Variants in PLBD1 observed in about 807,000 individuals in gnomAD.
The protein encoded by PLBD1 is lysosomal leucine aminopeptidase.
A neutral mutation model predicts 63.0 loss-of-function variants in PLBD1; 60 were observed. The observed-to-expected ratio is 0.95, with a 90% CI of 0.77 to 1.18. The LOEUF (loss-of-function observed/expected upper bound fraction) is 1.18, where lower values mean the gene tolerates loss of function less well. Among genes scored for constraint, PLBD1 ranks in the 50% most tolerant of loss-of-function variants. The probability of loss-of-function intolerance (pLI) is 0.00; values close to 1 mark genes in which losing one functional copy is unlikely to be tolerated. For synonymous variants in PLBD1, 262 were observed against 248.0 expected (o/e 1.06, Z -0.53); for missense variants, 598 against 677.9 (o/e 0.88, Z 1.31).
chr12:14,550,618 G>A (rs567182125), intron 2 of PLBD1, among the ~76,000 whole-genome samples: 8 of 152,062 alleles, frequency 5.3e-5, no homozygotes, highest in South Asian at 2.1e-4. Flanking sequence ...GGTGGCTCAC[G>A]CCTGTAACCC....
intron 9 of PLBD1, among the ~76,000 whole-genome samples, chr12:14,506,674 C>T (rs1238590887): frequency 6.6e-6 from 1 of 151,530 alleles, no homozygotes; most frequent in African/African-American, 2.4e-5. Flanking sequence ...TTTTAAAGGA[C>T]CCTCTATGAG....
chr12:14,537,902 C>A (rs1945532568), intron 4 of PLBD1, among the ~76,000 whole-genome samples: 1 of 151,766 alleles, frequency 6.6e-6, no homozygotes, highest in Non-Finnish European at 1.5e-5. Context: ...ACCTGTTCTC[C>A]ATTTTCTCAG....
At chr12:14,532,913 G>C (rs1399547695) in intron 6 of PLBD1, 3 of 152,290 alleles carry the variant, frequency 2.0e-5, no homozygotes, top group Non-Finnish European at 4.4e-5. Context: ...ATTCCAAGCT[G>C]GGAGGGTGGG....
chr12:14,543,901 T>C (rs1226295465), intron 2 of PLBD1, among the ~76,000 whole-genome samples: 4 of 152,216 alleles, frequency 2.6e-5, no homozygotes, highest in Admixed American at 2.6e-4. Context: ...TTTTAATTTA[T>C]GTATCTGAAC....
intron 4 of PLBD1, among the ~76,000 whole-genome samples, chr12:14,538,157 A>G (rs1200602088): frequency 6.6e-6 from 1 of 151,526 alleles, no homozygotes; most frequent in East Asian, 1.9e-4. Context: ...TTGGATGTAA[A>G]AATTGTCCTC....
intron 1 of PLBD1, 80 bp downstream of exon 1, chr12:14,567,502 G>C: frequency 7.2e-7 from 1 of 1,391,618 alleles, no homozygotes; most frequent in Non-Finnish European, 9.2e-7. Context: ...ACGTCAACTC[G>C]GCCGGACGCG....
At chr12:14,536,762 T>C in intron 4 of PLBD1, 52 bp from the exon 5 acceptor site, 1 of 1,597,328 alleles carries the variant, frequency 6.3e-7, no homozygotes, top group East Asian at 2.2e-5. Context: ...AGACATCATT[T>C]CCTGTTTTCC....
chr12:14,525,717 A>ACG, intron 6 of PLBD1, among the ~76,000 whole-genome samples: 1 of 9,466 alleles, frequency 1.1e-4, no homozygotes, highest in African/African-American at 1.4e-4. Flanking sequence ...ACACACACGC[A>ACG]CACACACACT....
In PLBD1 at chr12:14,504,096, C is replaced by T. The variant is rs1051258906; in HGVS notation, c.1480-142G>A. 3.9e-6 allele frequency: 3 copies of T among 767,020 alleles called. No individual in the cohort carries two copies. The Admixed American group carries it at 8.7e-5, about 22-fold the overall frequency. The allele number at this position is 767,020 out of a possible 1,614,324, so 47.5% of individuals were successfully genotyped here. On this transcript the variant is annotated intron_variant, in intron 10 of 10. Transcript: ENST00000240617. ...CGGAGTTTCGCTCTTGTTGCCCAGACTGGAGTACAGTGGCACAATCTCAGC... is the reference window on the plus strand; with the variant it reads ...CGGAGTTTCGCTCTTGTTGCCCAGATTGGAGTACAGTGGCACAATCTCAGC...
At chr12:14,515,432 C>A (rs1048735189) in intron 6 of PLBD1, among the ~76,000 whole-genome samples, 2 of 151,690 alleles carry the variant, frequency 1.3e-5, no homozygotes, top group African/African-American at 4.8e-5. Flanking sequence ...AAATTAAGTG[C>A]TGCAAAATCC....
intron 6 of PLBD1, among the ~76,000 whole-genome samples, chr12:14,522,033 A>G (rs1174228818): frequency 4.6e-5 from 7 of 152,130 alleles, no homozygotes; most frequent in Admixed American, 6.5e-5. Context: ...GACTACACCA[A>G]GCAGAATAAA....
chr12:14,542,140 G>T, intron 3 of PLBD1, 68 bp downstream of exon 3: 1 of 1,360,554 alleles, frequency 7.3e-7, no homozygotes, highest in Non-Finnish European at 1.0e-6. Context: ...AAAAATTGCT[G>T]CTTGAAATTA....
chr12:14,528,724 T>C (rs1475268523), intron 6 of PLBD1, among the ~76,000 whole-genome samples: 1 of 151,854 alleles, frequency 6.6e-6, no homozygotes, highest in East Asian at 1.9e-4. Context: ...AAAATAAATA[T>C]AAAAATGGAA....
chr12:14,559,297 T>A (rs769809742), intron 1 of PLBD1, among the ~76,000 whole-genome samples: 1 of 152,230 alleles, frequency 6.6e-6, no homozygotes, highest in Non-Finnish European at 1.5e-5. Flanking sequence ...TTGTGTGTGT[T>A]CTCTAAATGA....
chr12:14,564,564 A>C lies in PLBD1; in HGVS notation c.115+3018T>G, dbSNP rs537722593. Among the ~76,000 whole-genome samples, 8 of 152,356 alleles carry C rather than the reference A, an allele frequency of 5.3e-5. No homozygotes were observed. In the South Asian group the frequency reaches 1.5e-3, roughly 28 times the overall value. ...CCCATGTGGTTTGATTACAGTGAGA[A>C]AGTGCCTAGAGCAGACCTCACAAAT... is the stretch of plus-strand genomic sequence containing the variant. On this transcript the variant is annotated intron_variant, in intron 1 of 10. Transcript: ENST00000240617.
chr12:14,540,663 TCTA>T, intron 4 of PLBD1, 98 bp downstream of exon 4: 1 of 1,245,718 alleles, frequency 8.0e-7, no homozygotes, highest in East Asian at 2.5e-5. Flanking sequence ...ATACTGTAGT[TCTA>T]CTTTGACCTG....
At chr12:14,517,185 C>G (rs1399457550) in intron 6 of PLBD1, among the ~76,000 whole-genome samples, 1 of 152,128 alleles carries the variant, frequency 6.6e-6, no homozygotes, top group African/African-American at 2.4e-5. Context: ...CATGCTCTGT[C>G]GCCCAGGCTG....
intron 5 of PLBD1, 43 bp downstream of exon 5, chr12:14,536,527 C>T (rs1371848875): frequency 1.9e-6 from 3 of 1,599,876 alleles, no homozygotes; most frequent in Non-Finnish European, 2.6e-6. Context: ...TAGAAAAAGT[C>T]TGTATGAACC....
rs1353811790 is a variant in PLBD1, at chr12:14,547,865, G to C, written c.335+5328C>G. Among the ~76,000 whole-genome samples the C allele has an allele frequency of 2.6e-5, 4 of 151,984 alleles. No homozygotes were observed. In the East Asian group the frequency reaches 5.8e-4, roughly 22 times the overall value. On this transcript the variant is annotated intron_variant, in intron 2 of 10. Transcript: ENST00000240617. ...GATGAATCCATTTGTCTGTGGTAGC[G>C]GGGCATGTGCATGCAAACTCTGGGG... is the stretch of plus-strand genomic sequence containing the variant.
Sources: gnomAD v4.1 joint callset for allele counts (sites outside exome capture counted in the v4.1 genomes callset) on GRCh38, gnomAD v4.1.1 for gene constraint, MANE v1.5 for transcripts, NCBI Gene and HGNC (gene_info 2026-07-23, HGNC 2026-07-21) for gene names.